The following FBN2 variants were observed in gnomAD, a reference collection of about 807,000 sequenced individuals.
FBN2 encodes fibrillin-2.
Under a neutral mutation model 355.6 loss-of-function variants are expected in FBN2, and 105 were observed. That is an observed-to-expected ratio of 0.30 (90% CI 0.25 to 0.35). The LOEUF is 0.35. Ranked by LOEUF, FBN2 falls within the 10% of genes least tolerant of loss-of-function variation. The pLI, the probability that FBN2 is intolerant of heterozygous loss-of-function variation, is 1.00. For missense variants in FBN2, 3,280 were observed against 3,758.7 expected (o/e 0.87, Z 3.33); for synonymous variants, 1,350 against 1,301.2 (o/e 1.04, Z -0.81).
intron 7 of FBN2, among the ~76,000 whole-genome samples, chr5:128,424,577 T>C (rs1289125171): frequency 6.6e-6 from 1 of 152,216 alleles, no homozygotes; most frequent in African/African-American, 2.4e-5. Context: ...TTCTTTCTTG[T>C]CCCTCTTTTC....
chr5:128,298,964 G>T (rs1342447336), intron 48 of FBN2, among the ~76,000 whole-genome samples: 1 of 152,114 alleles, frequency 6.6e-6, no homozygotes, highest in Non-Finnish European at 1.5e-5. Context: ...CCATCTTTGT[G>T]GTTTTATCTA....
intron 13 of FBN2, 99 bp downstream of exon 13, chr5:128,377,653 A>T: frequency 8.0e-7 from 1 of 1,247,502 alleles, no homozygotes; most frequent in East Asian, 2.3e-5. Context: ...AAGATCTCAC[A>T]TACGTGGTGT....
intron 7 of FBN2, among the ~76,000 whole-genome samples, chr5:128,429,729 T>A (rs1470381669): frequency 6.6e-6 from 1 of 152,208 alleles, no homozygotes; most frequent in Non-Finnish European, 1.5e-5. Flanking sequence ...ACTTGTTAAT[T>A]ATGAGAAATA....
At chr5:128,274,808 T>C in intron 59 of FBN2, 125 bp from the exon 60 acceptor site, 1 of 727,798 alleles carries the variant, frequency 1.4e-6, no homozygotes, top group South Asian at 1.5e-5. Context: ...TGCTGGAAGC[T>C]TCGTAGATTT....
chr5:128,351,478 CAG>C (rs1207891046), intron 20 of FBN2, among the ~76,000 whole-genome samples: 1 of 151,054 alleles, frequency 6.6e-6, no homozygotes, highest in Non-Finnish European at 1.5e-5. Context: ...ACGCAGGAGG[CAG>C]AGGTTGCAGT....
intron 48 of FBN2, among the ~76,000 whole-genome samples, chr5:128,297,171 G>A (rs1749546671): frequency 1.3e-5 from 2 of 152,216 alleles, no homozygotes; most frequent in South Asian, 4.1e-4. Flanking sequence ...TTAATCCTGA[G>A]TTCTAGTTTG....
chr5:128,310,383 T>C (rs1750004823), intron 39 of FBN2, among the ~76,000 whole-genome samples: 1 of 13,996 alleles, frequency 7.1e-5, no homozygotes, highest in South Asian at 2.7e-3. Flanking sequence ...TATATATATA[T>C]ATATATATAT....
intron 5 of FBN2, among the ~76,000 whole-genome samples, chr5:128,468,236 T>C (rs986309286): frequency 6.6e-6 from 1 of 152,192 alleles, no homozygotes; most frequent in South Asian, 2.1e-4. Context: ...TAGCATAATG[T>C]TCATCAAGAC....
At chr5:128,345,331 C>A in intron 24 of FBN2, 26 bp downstream of exon 24, 1 of 1,582,826 alleles carries the variant, frequency 6.3e-7, no homozygotes, top group Non-Finnish European at 8.7e-7. Context: ...TGAAGAAGGA[C>A]CAAGGCGCTG....
At chr5:128,310,756 A>C (rs1204605805) in intron 39 of FBN2, among the ~76,000 whole-genome samples, 1 of 152,154 alleles carries the variant, frequency 6.6e-6, no homozygotes, top group Non-Finnish European at 1.5e-5. Context: ...TGTAAGCTAG[A>C]ACTTATGGCT....
chr5:128,343,717 T>C (rs1019461482), intron 25 of FBN2, among the ~76,000 whole-genome samples: 1 of 152,238 alleles, frequency 6.6e-6, no homozygotes, highest in African/African-American at 2.4e-5. Context: ...AGTAATAACT[T>C]CTATATCACA....
chr5:128,486,667 C>T (rs1452562385), intron 5 of FBN2, among the ~76,000 whole-genome samples: 1 of 152,048 alleles, frequency 6.6e-6, no homozygotes, highest in Non-Finnish European at 1.5e-5. Context: ...TACATGTGCA[C>T]AGTGTGCAGG....
chr5:128,286,741 C>T lies in FBN2; in HGVS notation c.6989G>A (p.Arg2330Lys), dbSNP rs886038992. The T allele has an allele frequency of 4.3e-6, 7 of 1,614,038 alleles. No homozygotes were observed. In the African/African-American group the frequency reaches 6.7e-5, roughly 15 times the overall value. The change falls in exon 55 of 65, where the codon AGG (arginine) becomes AAG (lysine). Residue 2330 changes from arginine to lysine, a missense_variant. By Grantham distance (26) the Arg-to-Lys change is conservative. Coordinates refer to ENST00000262464, the MANE Select transcript of FBN2 (RefSeq NM_001999.4). ...MCICPPGMAR[R>K]PDGEGCVDEN... ...ACCTACACAGCCTTCTCCATCGGGC[C>T]TTCGGGCCATTCCAGGAGGGCAGAT... is the stretch of plus-strand genomic sequence containing the variant.
At chr5:128,276,256 C>T in intron 58 of FBN2, 96 bp from the exon 59 acceptor site, 8 of 1,347,230 alleles carry the variant, frequency 5.9e-6, no homozygotes, top group Non-Finnish European at 8.4e-6. Context: ...TTTTGTTTTT[C>T]CTGTTCAACT....
At chr5:128,507,068 A>T (rs1271355289) in intron 5 of FBN2, among the ~76,000 whole-genome samples, 6 of 151,976 alleles carry the variant, frequency 3.9e-5, no homozygotes, top group Admixed American at 3.3e-4. Context: ...TTTTGGTATC[A>T]AGGTAATTTG....
At chr5:128,305,195 T>C (rs1749834783) in intron 44 of FBN2, 113 bp from the exon 45 acceptor site, 1 of 985,014 alleles carries the variant, frequency 1.0e-6, no homozygotes, top group Non-Finnish European at 1.6e-6. Flanking sequence ...AGGCTGAAAA[T>C]GAACCATAAC....
chr5:128,522,907 C>A (rs913201414), intron 4 of FBN2, among the ~76,000 whole-genome samples: 1 of 152,106 alleles, frequency 6.6e-6, no homozygotes, highest in Non-Finnish European at 1.5e-5. Flanking sequence ...GGCAAGAGAG[C>A]AAAAGATGTA....
chr5:128,299,488 G>A (rs574842407), intron 48 of FBN2, among the ~76,000 whole-genome samples: 1 of 150,172 alleles, frequency 6.7e-6, no homozygotes, highest in East Asian at 2.0e-4. Context: ...CATGGGCATA[G>A]GACCCTCCGA....
intron 61 of FBN2, 133 bp from the exon 62 acceptor site, chr5:128,272,251 T>C: frequency 9.7e-7 from 1 of 1,027,804 alleles, no homozygotes; most frequent in South Asian, 1.4e-5. Flanking sequence ...ATAGAGAGGC[T>C]GTCATTTTTC....
Sources: allele counts gnomAD v4.1 joint callset (sites outside exome capture counted in the v4.1 genomes callset), GRCh38; gene constraint gnomAD v4.1.1; transcripts MANE v1.5; gene names NCBI Gene and HGNC (gene_info 2026-07-23, HGNC 2026-07-21).